Variants in FHOD3 observed in about 807,000 individuals in gnomAD.
FHOD3 encodes the protein FH1/FH2 domain-containing protein 3.
Under a neutral mutation model 173.0 loss-of-function variants are expected in FHOD3, and 90 were observed. The observed-to-expected ratio is 0.52, with a 90% CI of 0.44 to 0.62. The LOEUF (loss-of-function observed/expected upper bound fraction) is 0.62, where lower values mean the gene tolerates loss of function less well. FHOD3 is among the 20% of genes least tolerant of loss of function. FHOD3 has a pLI of 0.00. For synonymous variants in FHOD3, 828 were observed against 823.0 expected (o/e 1.01, Z -0.10); for missense variants, 1,945 against 2,034.7 (o/e 0.96, Z 0.85).
intron 3 of FHOD3, among the ~76,000 whole-genome samples, chr18:36,467,255 T>C (rs2144972914): frequency 6.6e-6 from 1 of 152,338 alleles, no homozygotes; most frequent in South Asian, 2.1e-4. Flanking sequence ...AGTCACCTCC[T>C]AGTAATTCTG....
At chr18:36,625,016 T>G (rs2033990489) in intron 9 of FHOD3, among the ~76,000 whole-genome samples, 1 of 152,152 alleles carries the variant, frequency 6.6e-6, no homozygotes, top group South Asian at 2.1e-4. Flanking sequence ...GATTTATGGG[T>G]GAGGCCAGTT....
chr18:36,515,952 G>A (rs2055950294), intron 5 of FHOD3, among the ~76,000 whole-genome samples: 1 of 152,186 alleles, frequency 6.6e-6, no homozygotes, highest in African/African-American at 2.4e-5. Flanking sequence ...ACCACATTTT[G>A]ATGTAACCAA....
At chr18:36,771,992 A>G (rs1432138856) in intron 28 of FHOD3, among the ~76,000 whole-genome samples, 3 of 152,238 alleles carry the variant, frequency 2.0e-5, no homozygotes, top group East Asian at 1.9e-4. Flanking sequence ...TCTTAGACTC[A>G]TAATGTCACT....
chr18:36,571,639 T>C (rs552913246), intron 5 of FHOD3, among the ~76,000 whole-genome samples: 6 of 152,336 alleles, frequency 3.9e-5, no homozygotes, highest in African/African-American at 7.2e-5. Flanking sequence ...GCTATGGTGA[T>C]CCAGATTGTG....
chr18:36,560,843 T>G (rs902491040), intron 5 of FHOD3, among the ~76,000 whole-genome samples: 1 of 111,886 alleles, frequency 8.9e-6, no homozygotes, highest in Non-Finnish European at 1.9e-5. Flanking sequence ...TTTTTTTCTG[T>G]TTTTTTTTTT....
chr18:36,594,730 T>C (rs2148357333), intron 6 of FHOD3, 57 bp from the exon 7 acceptor site: 2 of 1,281,828 alleles, frequency 1.6e-6, no homozygotes, highest in African/African-American at 1.5e-5. Context: ...AGGAAGATGC[T>C]CTCTGGTGCA....
intron 3 of FHOD3, among the ~76,000 whole-genome samples, chr18:36,438,445 C>G (rs956033053): frequency 2.6e-5 from 4 of 152,188 alleles, no homozygotes; most frequent in African/African-American, 9.6e-5. Flanking sequence ...TTCTCCCTCT[C>G]TCTTTCTGGC....
chr18:36,664,385 A>G (rs555181169), intron 14 of FHOD3, among the ~76,000 whole-genome samples: 1 of 152,272 alleles, frequency 6.6e-6, no homozygotes, highest in South Asian at 2.1e-4. Flanking sequence ...CTTGCCTGCC[A>G]CTAGTTCCTG....
At chr18:36,640,105 C>T (rs2035199246) in intron 10 of FHOD3, among the ~76,000 whole-genome samples, 1 of 152,180 alleles carries the variant, frequency 6.6e-6, no homozygotes, top group African/African-American at 2.4e-5. Context: ...AGCCCATAGT[C>T]CAGCTTCTTG....
At chr18:36,452,124 G>A (rs2051890077) in intron 3 of FHOD3, among the ~76,000 whole-genome samples, 2 of 152,150 alleles carry the variant, frequency 1.3e-5, no homozygotes, top group African/African-American at 2.4e-5. Flanking sequence ...TTGTCATCAC[G>A]AGTTACGAGA....
Position 36,759,657 on chromosome 18 carries a change from G to C in FHOD3, c.4449+516G>C, listed in dbSNP as rs115382886. On this transcript the variant is annotated intron_variant, in intron 26 of 28. Coordinates refer to ENST00000590592, the MANE Select transcript of FHOD3 (RefSeq NM_001281740.3). Reference sequence around the variant, plus strand: ...ACGTCCATGCAGTGGCAGATGGCAGGGGCTCTTCCCTAGACCCTGGATGCA... The same window carrying C: ...ACGTCCATGCAGTGGCAGATGGCAGCGGCTCTTCCCTAGACCCTGGATGCA... 3.1e-3 allele frequency among the ~76,000 whole-genome samples: 465 copies of C among 152,294 alleles called. 3 individuals are homozygous for C. Among genetic ancestry groups the C allele is most frequent in the African/African-American group, 0.011 (443 of 41,574 alleles).
rs112765328 is a variant in FHOD3 at position 36,727,661 on chromosome 18, G to A, written c.3418-2985G>A. ...CCCTGACTTAGAGGGGTGTGTGCAG[G>A]CATGTGTGTTGCTGTAAGTTGAGCT... On this transcript the variant is annotated intron_variant, in intron 19 of 28. Transcript: ENST00000590592. Among the ~76,000 whole-genome samples the A allele has an allele frequency of 2.2e-3, 333 of 152,262 alleles. 2 individuals carry two copies. The highest frequency in any genetic ancestry group is 7.3e-3 in the African/African-American group (303 of 41,562).
At chr18:36,541,028 A>G (rs2057190391) in intron 5 of FHOD3, among the ~76,000 whole-genome samples, 1 of 151,896 alleles carries the variant, frequency 6.6e-6, no homozygotes. Context: ...AGGCAGGCGT[A>G]TCACCTGAGA....
At chr18:36,552,712 A>ATGG (rs2057711345) in intron 5 of FHOD3, among the ~76,000 whole-genome samples, 1 of 151,860 alleles carries the variant, frequency 6.6e-6, no homozygotes, top group Non-Finnish European at 1.5e-5. Flanking sequence ...GTTAGCCAGG[A>ATGG]TGGTCTTGAT....
intron 1 of FHOD3, among the ~76,000 whole-genome samples, chr18:36,346,679 G>C (rs1395537135): frequency 1.3e-5 from 2 of 151,956 alleles, no homozygotes. Context: ...CATTGAAATT[G>C]TCCCTGATCC....
intron 9 of FHOD3, among the ~76,000 whole-genome samples, chr18:36,621,104 T>C (rs2033668757): frequency 6.6e-6 from 1 of 152,216 alleles, no homozygotes; most frequent in South Asian, 2.1e-4. Context: ...TGAATTTTTA[T>C]GGCTTCATAT....
At chr18:36,716,908 A>ATGTGTGTGTGTGTG (rs1345159982) in intron 18 of FHOD3, among the ~76,000 whole-genome samples, 4 of 135,254 alleles carry the variant, frequency 3.0e-5, no homozygotes, top group African/African-American at 1.2e-4. Context: ...GAAATTATAT[A>ATGTGTGTGTGTGTG]TGTGTATGTG....
At chr18:36,374,623 T>C (rs2047346736) in intron 3 of FHOD3, among the ~76,000 whole-genome samples, 1 of 152,224 alleles carries the variant, frequency 6.6e-6, no homozygotes, top group Non-Finnish European at 1.5e-5. Flanking sequence ...TCTAAGAGGA[T>C]TCTACTCTTC....
intron 15 of FHOD3, among the ~76,000 whole-genome samples, chr18:36,682,787 G>A (rs781692023): frequency 6.6e-6 from 1 of 152,114 alleles, no homozygotes. Flanking sequence ...TTACTGTGTT[G>A]GCCAGGCTGT....
Sources: allele counts gnomAD v4.1 joint callset (sites outside exome capture counted in the v4.1 genomes callset), GRCh38; gene constraint gnomAD v4.1.1; transcripts MANE v1.5; gene names NCBI Gene and HGNC (gene_info 2026-07-23, HGNC 2026-07-21).